The following HDLBP variants were observed in gnomAD, a reference collection of about 807,000 sequenced individuals.
HDLBP encodes the protein vigilin.
HDLBP carries 30 observed loss-of-function variants against 137.3 expected under a neutral mutation model. The ratio of observed to expected loss-of-function variants is 0.22; its 90% CI spans 0.16 to 0.30. HDLBP has a LOEUF of 0.30. Ranked by LOEUF, HDLBP falls within the 10% of genes least tolerant of loss-of-function variation. HDLBP has a pLI of 1.00. For synonymous variants in HDLBP, 606 were observed against 596.0 expected (o/e 1.02, Z -0.24); for missense variants, 1,119 against 1,667.3 (o/e 0.67, Z 5.73).
At chr2:241,273,036 C>T (rs1487985201) in intron 1 of HDLBP, 1 of 985,288 alleles carries the variant, frequency 1.0e-6, no homozygotes, top group Admixed American at 6.1e-5. Flanking sequence ...AATTAATCAC[C>T]TCCAGAAAGC....
intron 13 of HDLBP, 58 bp downstream of exon 13, chr2:241,248,186 C>G (rs959028055): frequency 6.4e-6 from 10 of 1,555,974 alleles, no homozygotes; most frequent in East Asian, 2.2e-5. Flanking sequence ...TCAAATATTC[C>G]TGAAGTGTGA....
chr2:241,262,694 G>A lies in HDLBP; in HGVS notation c.450+17C>T, dbSNP rs543153454. Reference sequence around the variant, plus strand: ...GGTACACAGTCACTGGGGAGAAGTAGGCCTCAGGCTACCCACCTGAGTCTG... The same window carrying A: ...GGTACACAGTCACTGGGGAGAAGTAAGCCTCAGGCTACCCACCTGAGTCTG... On this transcript the variant is annotated intron_variant, in intron 5 of 27. Coordinates refer to ENST00000310931, the MANE Select transcript of HDLBP (RefSeq NM_005336.6). The A allele has an allele frequency of 1.9e-6, 3 of 1,580,746 alleles. No individual in the cohort carries two copies. Among genetic ancestry groups the A allele is most frequent in the South Asian group, 1.1e-5 (1 of 90,292 alleles).
intron 1 of HDLBP, among the ~76,000 whole-genome samples, chr2:241,308,368 C>CA (rs2075649091): frequency 1.3e-5 from 2 of 152,144 alleles, no homozygotes; most frequent in Non-Finnish European, 2.9e-5. Flanking sequence ...TTAAGTGAAA[C>CA]TCAAGTTGTA....
At chr2:241,273,141 T>C in intron 1 of HDLBP, 3 of 985,448 alleles carry the variant, frequency 3.0e-6, no homozygotes, top group Non-Finnish European at 3.6e-6. Context: ...ATGTCACCAG[T>C]ACCGCCCACC....
At chr2:241,298,570 T>A (rs2075272709) in intron 1 of HDLBP, among the ~76,000 whole-genome samples, 1 of 152,134 alleles carries the variant, frequency 6.6e-6, no homozygotes. Context: ...TTGAGATAGT[T>A]GAGATAACTG....
chr2:241,313,943 C>T (rs1241161762), intron 1 of HDLBP, among the ~76,000 whole-genome samples: 2 of 152,174 alleles, frequency 1.3e-5, no homozygotes, highest in Non-Finnish European at 2.9e-5. Flanking sequence ...TGAGCTAAGT[C>T]CCTTCAACAG....
At chr2:241,236,994 G>T (rs1399309296) in intron 20 of HDLBP, among the ~76,000 whole-genome samples, 4 of 119,512 alleles carry the variant, frequency 3.3e-5, no homozygotes, top group Non-Finnish European at 7.1e-5. Flanking sequence ...GGGGGGGGGG[G>T]CGGCAATGAA....
At chr2:241,307,187 T>C (rs1214395283) in intron 1 of HDLBP, among the ~76,000 whole-genome samples, 2 of 152,186 alleles carry the variant, frequency 1.3e-5, no homozygotes, top group Non-Finnish European at 2.9e-5. Context: ...AGACAGCAAG[T>C]ACTGCTGCAG....
At chr2:241,259,551 CA>C (rs1390609810) in intron 5 of HDLBP, among the ~76,000 whole-genome samples, 1 of 152,080 alleles carries the variant, frequency 6.6e-6, no homozygotes, top group Middle Eastern at 3.2e-3. Context: ...TGTGGTGGTG[CA>C]AACACTGCTC....
Position 241,240,555 on chromosome 2 carries a change from T to G in HDLBP, c.2170-433A>C, listed in dbSNP as rs980594606. On this transcript the variant is annotated intron_variant, in intron 17 of 27. Coordinates refer to ENST00000310931, the MANE Select transcript of HDLBP (RefSeq NM_005336.6). This position sits in a 1 kb window ranked among gnomAD's most constrained non-coding sequence, Gnocchi z 5.5. ...AGAGGTGTGCACCATGCTCCCACTC[T>G]TCTACCTGCTTCCAGACCAAGCACA... Among the ~76,000 whole-genome samples, 3 of 152,158 alleles carry G rather than the reference T, an allele frequency of 2.0e-5. No homozygotes were observed. The highest frequency in any genetic ancestry group is 2.0e-4 in the Admixed American group (3 of 15,278).
intron 1 of HDLBP, among the ~76,000 whole-genome samples, chr2:241,277,254 A>C (rs1018537270): frequency 2.0e-5 from 3 of 152,154 alleles, no homozygotes; most frequent in Admixed American, 6.5e-5. Flanking sequence ...AGAGGAAAAA[A>C]ATAAAATAAG....
Position 241,253,577 on chromosome 2 carries a change from C to T in HDLBP, c.1189-80G>A, listed in dbSNP as rs753991743. On this transcript the variant is annotated intron_variant, in intron 9 of 27. Coordinates refer to ENST00000310931, the MANE Select transcript of HDLBP (RefSeq NM_005336.6). ...CTGAGCTCCCAGTGGGAGCTCTCTT[C>T]GGAGCGGCTTCTGATCCCAAACTGC... 2.3e-4 allele frequency: 221 copies of T among 947,044 alleles called. 1 individual carries two copies. Among genetic ancestry groups the T allele is most frequent in the Non-Finnish European group, 3.2e-4 (188 of 587,150 alleles). 58.7% of individuals were successfully genotyped at this position (947,044 alleles called of 1,614,324 possible).
At chr2:241,248,573 T>C (rs2071864500) in intron 12 of HDLBP, among the ~76,000 whole-genome samples, 1 of 152,178 alleles carries the variant, frequency 6.6e-6, no homozygotes, top group African/African-American at 2.4e-5. Context: ...CAACATGGGC[T>C]GCACGTCACT....
rs563745433 is a variant in HDLBP at position 241,293,005 on chromosome 2, C to T, written c.-103+22565G>A. On this transcript the variant is annotated intron_variant, in intron 1 of 27. Transcript: ENST00000310931. ...GCTGTGCCACTGCACTCGGCCTGGG[C>T]AACAAAGCGAGACCCCGTCTCAGAA... is the stretch of plus-strand genomic sequence containing the variant. Among the ~76,000 whole-genome samples, 6 of 151,660 alleles carry T rather than the reference C, an allele frequency of 4.0e-5. No homozygotes were observed. The East Asian group carries it at 1.2e-3, about 29-fold the overall frequency.
chr2:241,257,240 TTC>T (rs1163484336), intron 5 of HDLBP, among the ~76,000 whole-genome samples: 1 of 152,248 alleles, frequency 6.6e-6, no homozygotes, highest in African/African-American at 2.4e-5. Flanking sequence ...AGAGATGCGT[TTC>T]TTTTTTTTTG....
rs930589444 is a variant in HDLBP, at chr2:241,240,859, A to G, written c.2170-737T>C. 6.6e-6 allele frequency among the ~76,000 whole-genome samples: 1 copy of G among 152,308 alleles called. No individual in the cohort carries two copies. The highest frequency in any genetic ancestry group is 1.5e-5 in the Non-Finnish European group (1 of 68,010). On this transcript the variant is annotated intron_variant, in intron 17 of 27. Coordinates refer to ENST00000310931, the MANE Select transcript of HDLBP (RefSeq NM_005336.6). The surrounding 1 kb of genome is among the most constrained non-coding windows in gnomAD (Gnocchi z 5.5). ...AGAAGGGCGCTGCTCCACGGGACTC[A>G]GGTCCACACGGGGAGCTCTTGCCTT...
Position 241,272,466 on chromosome 2 carries a change from G to C in HDLBP, c.-102-3925C>G, listed in dbSNP as rs1167174655. 2.0e-6 allele frequency: 2 copies of C among 984,364 alleles called. No individual in the cohort carries two copies. The highest frequency in any genetic ancestry group is 4.7e-5 in the South Asian group (1 of 21,274). 61.0% of individuals were successfully genotyped at this position (984,364 alleles called of 1,614,324 possible). ...GGGAGCCCAGCTTGCAGCCAAGAGC[G>C]GCCCAGCGGCGCCACCGGACTTGAG... On this transcript the variant is annotated intron_variant, in intron 1 of 27. Transcript: ENST00000310931. This position sits in a 1 kb window ranked among gnomAD's most constrained non-coding sequence, Gnocchi z 5.6.
chr2:241,272,693 C>T lies in HDLBP; in HGVS notation c.-102-4152G>A, dbSNP rs1207360726. The T allele has an allele frequency of 5.6e-5, 42 of 746,416 alleles. No individual in the cohort carries two copies. In the African/African-American group the frequency reaches 5.7e-4, roughly 10 times the overall value. 46.2% of individuals were successfully genotyped at this position (746,416 alleles called of 1,614,324 possible). On this transcript the variant is annotated intron_variant, in intron 1 of 27. Transcript: ENST00000310931. The surrounding 1 kb of genome is among the most constrained non-coding windows in gnomAD (Gnocchi z 5.6). ...CGTCAGCAGCCACCCCCCACCCCCC[C>T]GCCCGGCAGCCCGCCCGCCCCGTCC... is the stretch of plus-strand genomic sequence containing the variant.
At position 241,249,908 on chromosome 2, in the gene HDLBP, C is replaced by A; in HGVS notation, c.1445G>T (p.Arg482Leu). Residue 482 changes from arginine to leucine, a missense_variant, in exon 12 of 28, where the codon CGC (arginine) becomes CTC (leucine). Around this residue, in one of 4 missense-constraint regions of HDLBP, gnomAD observed 425 missense variants for 693.9 expected, o/e 0.61. Transcript: ENST00000310931. ...CACGCCCTGTGGGTCCCCCTCGATG[C>A]GGATCAAATTGCTCTTCTCACTGTC... Reference protein sequence around the residue: ...PPDSEKSNLIRIEGDPQGVQQ... With the variant: ...PPDSEKSNLILIEGDPQGVQQ... 2 of 1,613,980 alleles carry A rather than the reference C, an allele frequency of 1.2e-6. No homozygotes were observed.
Sources: allele counts gnomAD v4.1 joint callset (sites outside exome capture counted in the v4.1 genomes callset), GRCh38; gene constraint gnomAD v4.1.1; regional missense constraint gnomAD v4.1.1; non-coding constraint Gnocchi (gnomAD v3.1); transcripts MANE v1.5; gene names NCBI Gene and HGNC (gene_info 2026-07-23, HGNC 2026-07-21).